KIAA1217: variants seen among roughly 807,000 people sequenced by gnomAD.
The protein encoded by KIAA1217 is KIAA1217.
A neutral mutation model predicts 163.9 loss-of-function variants in KIAA1217; 88 were observed. The ratio of observed to expected loss-of-function variants is 0.54; its 90% CI spans 0.45 to 0.64. The LOEUF (loss-of-function observed/expected upper bound fraction) is 0.64. Among genes scored for constraint, KIAA1217 ranks in the 30% least tolerant of loss-of-function variants. The pLI, the probability that KIAA1217 is intolerant of heterozygous loss-of-function variation, is 0.00. For synonymous variants in KIAA1217, 903 were observed against 923.1 expected, an observed-to-expected ratio of 0.98 and a Z score of 0.39; for missense variants, 2,372 against 2,475.0, an observed-to-expected ratio of 0.96 and a Z score of 0.88.
intron 8 of KIAA1217, among the ~76,000 whole-genome samples, chr10:24,500,354 T>C (rs1351747245): frequency 1.3e-5 from 2 of 149,872 alleles, no homozygotes; most frequent in East Asian, 3.9e-4. Flanking sequence ...TGCGTGTCTT[T>C]ATTAGTAATA....
intron 1 of KIAA1217, among the ~76,000 whole-genome samples, chr10:23,866,112 A>G (rs1564489878): frequency 6.6e-6 from 1 of 152,194 alleles, no homozygotes; most frequent in Admixed American, 6.5e-5. Context: ...TTCCAAAAAT[A>G]AAATAAATAA....
chr10:24,423,919 C>T (rs2058969180), intron 3 of KIAA1217, among the ~76,000 whole-genome samples: 1 of 152,282 alleles, frequency 6.6e-6, no homozygotes, highest in East Asian at 1.9e-4. Flanking sequence ...CGTCTAGAGA[C>T]TCTCAAAGTC....
At chr10:23,810,567 T>C (rs1333978130) in intron 1 of KIAA1217, among the ~76,000 whole-genome samples, 2 of 132,452 alleles carry the variant, frequency 1.5e-5, no homozygotes, top group Admixed American at 1.6e-4. Context: ...GTATATATAG[T>C]ATAATCTATA....
chr10:24,519,922 T>C (rs1346947290), intron 10 of KIAA1217, among the ~76,000 whole-genome samples: 1 of 152,158 alleles, frequency 6.6e-6, no homozygotes, highest in Admixed American at 6.6e-5. Flanking sequence ...ACCCTCCTTG[T>C]ACCTGCCTCA....
At chr10:23,814,786 A>G (rs1013830530) in intron 1 of KIAA1217, among the ~76,000 whole-genome samples, 1 of 151,282 alleles carries the variant, frequency 6.6e-6, no homozygotes, top group Non-Finnish European at 1.5e-5. Context: ...ATTGTTCTTT[A>G]TTTCTGTTAT....
chr10:24,209,485 G>A (rs1487444709), intron 1 of KIAA1217, among the ~76,000 whole-genome samples: 2 of 152,136 alleles, frequency 1.3e-5, no homozygotes, highest in Admixed American at 1.3e-4. Flanking sequence ...CAAAAGAGGT[G>A]GTGGGGTGAT....
At chr10:23,768,012 G>A (rs74709592) in intron 1 of KIAA1217, among the ~76,000 whole-genome samples, 1 of 152,334 alleles carries the variant, frequency 6.6e-6, no homozygotes, top group African/African-American at 2.4e-5. Context: ...GCCAGGCCAT[G>A]CCCAAGCATA....
intron 16 of KIAA1217, 39 bp from the exon 17 acceptor site, chr10:24,536,735 C>T (rs78670814): frequency 6.2e-7 from 1 of 1,606,350 alleles, no homozygotes; most frequent in African/African-American, 1.3e-5. Flanking sequence ...TCCTCAGTAC[C>T]CTTGGATCCC....
intron 1 of KIAA1217, among the ~76,000 whole-genome samples, chr10:23,906,790 T>C (rs1842180456): frequency 6.6e-6 from 1 of 152,154 alleles, no homozygotes; most frequent in Admixed American, 6.6e-5. Flanking sequence ...AAAGTCTTCC[T>C]GTCGGGCTGA....
intron 1 of KIAA1217, among the ~76,000 whole-genome samples, chr10:23,792,325 T>C (rs937257116): frequency 6.6e-6 from 1 of 152,200 alleles, no homozygotes; most frequent in Non-Finnish European, 1.5e-5. Context: ...CAGTGAATCC[T>C]TTTGCAAAGT....
chr10:24,484,644 C>T (rs117662113), intron 6 of KIAA1217, among the ~76,000 whole-genome samples: 2,199 of 152,128 alleles, frequency 0.014, 31 homozygotes, highest in Admixed American at 0.032. Flanking sequence ...ACTGCAGCCT[C>T]GAACTCCTGG....
At chr10:24,404,671 C>T (rs1481994987) in intron 3 of KIAA1217, among the ~76,000 whole-genome samples, 1 of 151,756 alleles carries the variant, frequency 6.6e-6, no homozygotes, top group African/African-American at 2.4e-5. Context: ...CTGTTTTCAC[C>T]CAGAAACTTG....
intron 14 of KIAA1217, among the ~76,000 whole-genome samples, chr10:24,531,208 TAAAA>T (rs934849087): frequency 6.6e-6 from 1 of 151,876 alleles, no homozygotes; most frequent in Middle Eastern, 3.2e-3. Context: ...ATCTACAAAA[TAAAA>T]AAAATTAAAA....
At chr10:23,700,699 G>T (rs1836387354) in intron 1 of KIAA1217, among the ~76,000 whole-genome samples, 1 of 152,106 alleles carries the variant, frequency 6.6e-6, no homozygotes, top group Non-Finnish European at 1.5e-5. Flanking sequence ...CAGATAACCT[G>T]CTTGACTTCT....
At chr10:24,334,051 G>C (rs1388208725) in intron 2 of KIAA1217, among the ~76,000 whole-genome samples, 1 of 152,172 alleles carries the variant, frequency 6.6e-6, no homozygotes, top group East Asian at 1.9e-4. Flanking sequence ...AAGTTAGTGG[G>C]GGAGGGTATG....
At position 24,390,424 on chromosome 10, in the gene KIAA1217, T is replaced by G. The variant is rs2054701031; in HGVS notation, c.553+9357T>G. ...AATAAAATAAAACCGATACACACAA[T>G]AAAAATTAAATAGGCCAGTAGTATG... is the stretch of plus-strand genomic sequence containing the variant. On this transcript the variant is annotated intron_variant, in intron 3 of 20. Coordinates refer to ENST00000376454, the MANE Select transcript of KIAA1217 (RefSeq NM_019590.5). 2.8e-5 allele frequency among the ~76,000 whole-genome samples: 3 copies of G among 108,262 alleles called. No individual in the cohort carries two copies. The South Asian group carries it at 9.2e-4, about 33-fold the overall frequency. 71.0% of individuals were successfully genotyped at this position (108,262 alleles called of 152,430 possible). A position where few individuals can be genotyped will look rare whatever the true frequency, so the allele number is the denominator to read the frequency against.
intron 1 of KIAA1217, among the ~76,000 whole-genome samples, chr10:23,948,686 C>G (rs1232663603): frequency 6.6e-6 from 1 of 152,044 alleles, no homozygotes; most frequent in Non-Finnish European, 1.5e-5. Flanking sequence ...TTGGTTTTTG[C>G]TTTGTTTCTG....
intron 2 of KIAA1217, among the ~76,000 whole-genome samples, chr10:24,235,025 C>G (rs2072030450): frequency 1.3e-5 from 2 of 152,196 alleles, no homozygotes; most frequent in South Asian, 4.1e-4. Flanking sequence ...TTGGAGGGAT[C>G]AGCTCTATTA....
intron 8 of KIAA1217, among the ~76,000 whole-genome samples, chr10:24,497,164 T>C (rs2066897079): frequency 6.6e-6 from 1 of 152,212 alleles, no homozygotes; most frequent in Admixed American, 6.6e-5. Context: ...ATTATCCCTG[T>C]TCTGTAGACA....
Sources: gnomAD v4.1 joint callset for allele counts (sites outside exome capture counted in the v4.1 genomes callset) on GRCh38, gnomAD v4.1.1 for gene constraint, MANE v1.5 for transcripts, NCBI Gene and HGNC (gene_info 2026-07-23, HGNC 2026-07-21) for gene names.